The following CXXC5 variants were observed in gnomAD, a reference collection of about 807,000 sequenced individuals.
CXXC5 encodes the protein CXXC finger protein 5.
Under a neutral mutation model 17.6 loss-of-function variants are expected in CXXC5, and 2 were observed. The observed-to-expected ratio is 0.11, with a 90% CI of 0.05 to 0.36. The LOEUF is 0.36. Ranked by LOEUF, CXXC5 falls within the 10% of genes least tolerant of loss-of-function variation. The pLI is 1.00. For synonymous variants in CXXC5, 171 were observed against 193.0 expected (o/e 0.89, Z 0.94); for missense variants, 343 against 458.3 (o/e 0.75, Z 2.30).
chr5:139,674,809 G>A (rs1201483994), intron 1 of CXXC5, among the ~76,000 whole-genome samples: 1 of 152,076 alleles, frequency 6.6e-6, no homozygotes, highest in Non-Finnish European at 1.5e-5. Context: ...GATCCTCATA[G>A]GAAGACCTCA....
intron 1 of CXXC5, among the ~76,000 whole-genome samples, chr5:139,656,779 C>G (rs539991661): frequency 6.6e-6 from 1 of 152,184 alleles, no homozygotes; most frequent in Non-Finnish European, 1.5e-5. Context: ...GGCTGGAGTG[C>G]AATGGCGCCA....
At chr5:139,653,456 CATGT>C (rs1409834217) in intron 1 of CXXC5, among the ~76,000 whole-genome samples, 6 of 152,164 alleles carry the variant, frequency 3.9e-5, no homozygotes, top group Non-Finnish European at 7.4e-5. Context: ...CATGCTTGCA[CATGT>C]ATGAACGGAG....
In CXXC5 at chr5:139,663,267, A is replaced by T. The variant is rs535062855; in HGVS notation, c.-161+14422A>T. 6.6e-6 allele frequency among the ~76,000 whole-genome samples: 1 copy of T among 152,106 alleles called. No homozygotes were observed. The highest frequency in any genetic ancestry group is 1.5e-5 in the Non-Finnish European group (1 of 68,006). ...AGGCTTTCTCTGTCTCCCACCCCCT[A>T]TGCTCACACAGCAAGGCTATATGTT... On this transcript the variant is annotated intron_variant, in intron 1 of 2. Transcript: ENST00000302517. The surrounding 1 kb of genome is among the most constrained non-coding windows in gnomAD (Gnocchi z 4.2).
At chr5:139,656,808 C>G (rs959165201) in intron 1 of CXXC5, among the ~76,000 whole-genome samples, 3 of 152,106 alleles carry the variant, frequency 2.0e-5, no homozygotes, top group Non-Finnish European at 4.4e-5. Context: ...CACTGCAACC[C>G]CCACCTCCTG....
At position 139,658,207 on chromosome 5, in the gene CXXC5, G is replaced by T. The variant is rs148219910; in HGVS notation, c.-161+9362G>T. On this transcript the variant is annotated intron_variant, in intron 1 of 2. Transcript: ENST00000302517. This position sits in a 1 kb window ranked among gnomAD's most constrained non-coding sequence, Gnocchi z 4.1. ...GGACCTGGCCCCCTTTCTTCCTGGG[G>T]CGGTCAGATCTTGGTGGCCTAGAAT... 6.6e-6 allele frequency among the ~76,000 whole-genome samples: 1 copy of T among 152,158 alleles called. No individual in the cohort carries two copies. The highest frequency in any genetic ancestry group is 2.4e-5 in the African/African-American group (1 of 41,418).
chr5:139,683,012 C>A lies in CXXC5; in HGVS notation c.*105C>A. On this transcript the variant is annotated 3_prime_UTR_variant, in exon 3 of 3. Transcript: ENST00000302517. ...AAACGGATGCACCCGTCTTTAGAAC[C>A]AAAAATATTCTCTCACAGATTTCAT... is the stretch of plus-strand genomic sequence containing the variant. 3 of 917,072 alleles carry A rather than the reference C, an allele frequency of 3.3e-6. No individual in the cohort carries two copies. The highest frequency in any genetic ancestry group is 3.0e-6 in the Non-Finnish European group (2 of 657,644). 56.8% of individuals were successfully genotyped at this position (917,072 alleles called of 1,614,324 possible).
rs1235316229 is a variant in CXXC5 at position 139,658,694 on chromosome 5, CG to C, written c.-161+9852del. On this transcript the variant is annotated intron_variant, in intron 1 of 2. Transcript: ENST00000302517. The surrounding 1 kb of genome is among the most constrained non-coding windows in gnomAD (Gnocchi z 4.1). Reference sequence around the variant, plus strand: ...TGCTTCCAGCAACAGCCGGCAGGGCCGGGCGGCTTCCCAGCTCCCCCTCTGA... The same window carrying C: ...TGCTTCCAGCAACAGCCGGCAGGGCCGGCGGCTTCCCAGCTCCCCCTCTGA... 6.6e-6 allele frequency among the ~76,000 whole-genome samples: 1 copy of C among 152,238 alleles called. No homozygotes were observed. Among genetic ancestry groups the C allele is most frequent in the African/African-American group, 2.4e-5 (1 of 41,466 alleles).
chr5:139,669,528 A>G (rs893149735), intron 1 of CXXC5, among the ~76,000 whole-genome samples: 6 of 152,002 alleles, frequency 3.9e-5, no homozygotes, highest in African/African-American at 1.4e-4. Flanking sequence ...TAGACCCAGC[A>G]TGGCTCACAC....
In CXXC5 at chr5:139,668,414, C is replaced by G. The variant is rs1406434828; in HGVS notation, c.-160-11950C>G. Among the ~76,000 whole-genome samples the G allele has an allele frequency of 6.6e-6, 1 of 151,978 alleles. No individual in the cohort carries two copies. Among genetic ancestry groups the G allele is most frequent in the South Asian group, 2.1e-4 (1 of 4,830 alleles). ...GCGGCTCTGGCGGCCGCGTCTGCCG[C>G]CCCGGCGCCCGCCCGGGTCCCAGGC... is the stretch of plus-strand genomic sequence containing the variant. On this transcript the variant is annotated intron_variant, in intron 1 of 2. Transcript: ENST00000302517. The surrounding 1 kb of genome is among the most constrained non-coding windows in gnomAD (Gnocchi z 4.1).
rs1197229802 is a variant in CXXC5 at position 139,677,247 on chromosome 5, C to T, written c.-160-3117C>T. 3.3e-5 allele frequency among the ~76,000 whole-genome samples: 5 copies of T among 152,116 alleles called. 1 individual carries two copies. The East Asian group carries it at 5.8e-4, about 18-fold the overall frequency. ...CCGCCTGCCCGCCAGCTTTCCCTCC[C>T]GCTCATTCCCGCTCCGCTTCAACGC... is the stretch of plus-strand genomic sequence containing the variant. On this transcript the variant is annotated intron_variant, in intron 1 of 2. Transcript: ENST00000302517.
chr5:139,678,997 G>A (rs1315921653), intron 1 of CXXC5, among the ~76,000 whole-genome samples: 2 of 152,234 alleles, frequency 1.3e-5, no homozygotes, highest in African/African-American at 4.8e-5. Flanking sequence ...AGACGCCTTA[G>A]CCTTGAAACC....
chr5:139,660,599 T>G (rs750035442), intron 1 of CXXC5, among the ~76,000 whole-genome samples: 8 of 152,060 alleles, frequency 5.3e-5, no homozygotes, highest in Non-Finnish European at 1.0e-4. Flanking sequence ...TGAGTAATGC[T>G]TGGTTTTTCG....
intron 1 of CXXC5, among the ~76,000 whole-genome samples, chr5:139,659,242 C>T (rs1486453570): frequency 1.3e-5 from 2 of 151,976 alleles, no homozygotes; most frequent in Non-Finnish European, 2.9e-5. Flanking sequence ...TGGTGACTCC[C>T]GGGGAAGGAC....
intron 1 of CXXC5, among the ~76,000 whole-genome samples, chr5:139,675,075 A>T (rs1756705478): frequency 6.6e-6 from 1 of 152,174 alleles, no homozygotes; most frequent in Admixed American, 6.5e-5. Context: ...ACGCTGGTTC[A>T]TGTGACTGTG....
At chr5:139,669,536 C>T (rs757372905) in intron 1 of CXXC5, among the ~76,000 whole-genome samples, 1 of 152,180 alleles carries the variant, frequency 6.6e-6, no homozygotes. Flanking sequence ...GCATGGCTCA[C>T]ACCTGCCAGG....
At chr5:139,671,652 C>T (rs896512975) in intron 1 of CXXC5, among the ~76,000 whole-genome samples, 4 of 152,252 alleles carry the variant, frequency 2.6e-5, no homozygotes, top group African/African-American at 9.6e-5. Flanking sequence ...TCTGGCCCAG[C>T]CTGCCCCGTC....
chr5:139,651,719 C>T (rs930264332), intron 1 of CXXC5, among the ~76,000 whole-genome samples: 12 of 151,806 alleles, frequency 7.9e-5, no homozygotes, highest in Non-Finnish European at 1.5e-4. Context: ...GGCTGACTTT[C>T]CAGGTTGCAG....
chr5:139,649,271 GC>G (rs1244420820), intron 1 of CXXC5: 5 of 152,000 alleles, frequency 3.3e-5, no homozygotes, highest in African/African-American at 4.8e-5. Context: ...GCGGGGTGCC[GC>G]CCCCCTCCCC....
At chr5:139,679,414 T>C (rs1322575721) in intron 1 of CXXC5, among the ~76,000 whole-genome samples, 2 of 152,354 alleles carry the variant, frequency 1.3e-5, no homozygotes, top group East Asian at 3.9e-4. Context: ...GGCCCTGTGC[T>C]GCTCGCCCTG....
Sources: allele counts gnomAD v4.1 joint callset (sites outside exome capture counted in the v4.1 genomes callset), GRCh38; gene constraint gnomAD v4.1.1; non-coding constraint Gnocchi (gnomAD v3.1); transcripts MANE v1.5; gene names NCBI Gene and HGNC (gene_info 2026-07-23, HGNC 2026-07-21).